RPS6KA5: variants seen among roughly 807,000 people sequenced by gnomAD.
The protein encoded by RPS6KA5 is ribosomal protein S6 kinase alpha-5.
Under a neutral mutation model 85.5 loss-of-function variants are expected in RPS6KA5, and 27 were observed. The observed-to-expected ratio is 0.32, with a 90% CI of 0.23 to 0.44. The LOEUF is 0.44. Among genes scored for constraint, RPS6KA5 ranks in the 20% least tolerant of loss-of-function variants. The probability of loss-of-function intolerance (pLI) is 1.00; values close to 1 mark genes in which losing one functional copy is unlikely to be tolerated. For missense variants in RPS6KA5, 811 were observed against 980.9 expected (o/e 0.83, Z 2.31); for synonymous variants, 334 against 348.2 (o/e 0.96, Z 0.46).
intron 15 of RPS6KA5, 89 bp from the exon 16 acceptor site, chr14:90,873,884 A>G: frequency 8.9e-7 from 1 of 1,126,112 alleles, no homozygotes; most frequent in South Asian, 1.4e-5. Flanking sequence ...CTATGTTCAC[A>G]TGACATAATG....
At chr14:90,890,396 C>A in intron 14 of RPS6KA5, 91 bp downstream of exon 14, 1 of 1,163,806 alleles carries the variant, frequency 8.6e-7, no homozygotes, top group South Asian at 2.8e-5. Flanking sequence ...CCAATTTTTT[C>A]ATGAATGTAA....
At chr14:90,893,074 C>T (rs988966591) in intron 13 of RPS6KA5, among the ~76,000 whole-genome samples, 22 of 152,154 alleles carry the variant, frequency 1.4e-4, no homozygotes, top group African/African-American at 3.9e-4. Context: ...TGACAGATGG[C>T]CAGTTATCAA....
In RPS6KA5 at chr14:91,060,596, C is replaced by A. The variant is rs1409720426; in HGVS notation, c.-162G>T. The A allele has an allele frequency of 1.0e-6, 1 of 980,316 alleles. No homozygotes were observed. The highest frequency in any genetic ancestry group is 1.7e-5 in the African/African-American group (1 of 58,978). 60.7% of individuals were successfully genotyped at this position (980,316 alleles called of 1,614,324 possible). On this transcript the variant is annotated 5_prime_UTR_variant, in exon 1 of 17. Transcript: ENST00000614987. ...TCTCTTTCCCGCTCTGGCCGCACGG[C>A]TCGCTCCTCGCCTCCTCCCCCTTCG...
At chr14:90,889,786 G>C (rs1393511803) in intron 14 of RPS6KA5, among the ~76,000 whole-genome samples, 1 of 152,128 alleles carries the variant, frequency 6.6e-6, no homozygotes. Context: ...CATATCTAAA[G>C]GGGAGGAGGG....
intron 13 of RPS6KA5, chr14:90,893,849 G>A (rs2140205342): frequency 4.2e-6 from 1 of 240,546 alleles, no homozygotes; most frequent in Non-Finnish European, 6.7e-6. Context: ...TTTCATAAGA[G>A]GAGACATATA....
chr14:90,902,328 T>A (rs780690279), intron 9 of RPS6KA5, among the ~76,000 whole-genome samples: 8 of 151,716 alleles, frequency 5.3e-5, no homozygotes, highest in Non-Finnish European at 1.0e-4. Context: ...CTGCAAAAAA[T>A]AGAAAAATTA....
At chr14:90,900,884 T>C in intron 9 of RPS6KA5, 148 bp from the exon 10 acceptor site, 1 of 668,338 alleles carries the variant, frequency 1.5e-6, no homozygotes, top group Non-Finnish European at 2.4e-6. Flanking sequence ...CAATCTAAAA[T>C]GCAAGGTTAT....
chr14:90,981,147 G>T (rs1342718711), intron 2 of RPS6KA5, among the ~76,000 whole-genome samples: 4 of 152,198 alleles, frequency 2.6e-5, no homozygotes, highest in Admixed American at 6.5e-5. Context: ...CTGCAGCCTG[G>T]GCAACAAGAG....
chr14:90,935,051 C>T (rs1020797174), intron 5 of RPS6KA5, among the ~76,000 whole-genome samples: 3 of 152,044 alleles, frequency 2.0e-5, no homozygotes, highest in Non-Finnish European at 4.4e-5. Flanking sequence ...AATAGATTTT[C>T]AGGACACATG....
chr14:91,024,649 T>C (rs1235985990), intron 1 of RPS6KA5, among the ~76,000 whole-genome samples: 1 of 152,166 alleles, frequency 6.6e-6, no homozygotes. Context: ...TACCAACCCC[T>C]TTTCTATTTA....
chr14:90,937,822 A>T (rs568487135), intron 5 of RPS6KA5, among the ~76,000 whole-genome samples: 1 of 152,172 alleles, frequency 6.6e-6, no homozygotes, highest in African/African-American at 2.4e-5. Context: ...CCATGATTCA[A>T]TTACCTCCCA....
At chr14:91,026,316 C>T (rs1023496424) in intron 1 of RPS6KA5, among the ~76,000 whole-genome samples, 1 of 152,090 alleles carries the variant, frequency 6.6e-6, no homozygotes, top group Non-Finnish European at 1.5e-5. Flanking sequence ...CTGCAGCCTC[C>T]GTCTCCTGGG....
At chr14:91,019,269 G>C (rs2041637741) in intron 1 of RPS6KA5, among the ~76,000 whole-genome samples, 1 of 152,174 alleles carries the variant, frequency 6.6e-6, no homozygotes, top group Admixed American at 6.5e-5. Context: ...TGGGGAGATT[G>C]TTGGATGAGA....
At chr14:90,912,945 C>G (rs1235476997) in intron 7 of RPS6KA5, among the ~76,000 whole-genome samples, 1 of 122,872 alleles carries the variant, frequency 8.1e-6, no homozygotes, top group East Asian at 2.5e-4. Context: ...GAGTCTCCCT[C>G]TGTTGCCCAG....
intron 1 of RPS6KA5, among the ~76,000 whole-genome samples, chr14:91,038,285 G>A (rs910403883): frequency 1.3e-5 from 2 of 152,168 alleles, no homozygotes; most frequent in African/African-American, 4.8e-5. Flanking sequence ...ATGAGAGGTA[G>A]GACCACTATG....
intron 1 of RPS6KA5, among the ~76,000 whole-genome samples, chr14:91,030,412 T>A (rs2042138562): frequency 6.6e-6 from 1 of 151,854 alleles, no homozygotes; most frequent in Non-Finnish European, 1.5e-5. Context: ...GAGGATCCTT[T>A]TATGGAAAAA....
At chr14:90,893,769 A>T (rs1401784674) in intron 13 of RPS6KA5, among the ~76,000 whole-genome samples, 1 of 152,010 alleles carries the variant, frequency 6.6e-6, no homozygotes, top group Admixed American at 6.6e-5. Context: ...ATTTTCTAAA[A>T]GGAGGGAATT....
intron 1 of RPS6KA5, among the ~76,000 whole-genome samples, chr14:91,023,553 G>A (rs1301419650): frequency 1.3e-5 from 2 of 152,056 alleles, no homozygotes; most frequent in Admixed American, 1.3e-4. Context: ...CCAAAGTGCT[G>A]GGATTACCGG....
intron 2 of RPS6KA5, among the ~76,000 whole-genome samples, chr14:90,997,102 T>C (rs1324281439): frequency 6.6e-6 from 1 of 152,218 alleles, no homozygotes; most frequent in African/African-American, 2.4e-5. Flanking sequence ...GACTTCTTCC[T>C]GTTTTAAAAT....
Sources: allele counts gnomAD v4.1 joint callset (sites outside exome capture counted in the v4.1 genomes callset), GRCh38; gene constraint gnomAD v4.1.1; transcripts MANE v1.5; gene names NCBI Gene and HGNC (gene_info 2026-07-23, HGNC 2026-07-21).